The following ROR1 variants were observed in gnomAD, a reference collection of about 807,000 sequenced individuals.
ROR1 encodes ROR family WNT receptor 1, also known as inactive tyrosine-protein kinase transmembrane receptor ROR1.
A neutral mutation model predicts 78.8 loss-of-function variants in ROR1; 19 were observed. That is an observed-to-expected ratio of 0.24 (90% CI 0.17 to 0.35). The LOEUF (loss-of-function observed/expected upper bound fraction) is 0.35, where lower values mean the gene tolerates loss of function less well. Among genes scored for constraint, ROR1 ranks in the 10% least tolerant of loss-of-function variants. The probability of loss-of-function intolerance (pLI) is 1.00; values close to 1 mark genes in which losing one functional copy is unlikely to be tolerated. For missense variants in ROR1, 917 were observed against 1,177.8 expected (o/e 0.78, Z 3.24); for synonymous variants, 386 against 433.6 (o/e 0.89, Z 1.36).
chr1:63,887,695 G>A (rs1475463479), intron 1 of ROR1, among the ~76,000 whole-genome samples: 1 of 152,078 alleles, frequency 6.6e-6, no homozygotes, highest in Non-Finnish European at 1.5e-5. Context: ...CAGTTCTTTG[G>A]GGACTGTTTT....
At chr1:63,970,074 C>T (rs1646107176) in intron 1 of ROR1, among the ~76,000 whole-genome samples, 1 of 152,170 alleles carries the variant, frequency 6.6e-6, no homozygotes, top group African/African-American at 2.4e-5. Context: ...CTCTCCCTTG[C>T]GTCTTCCTCC....
At chr1:64,156,580 G>T (rs1349455911) in intron 7 of ROR1, among the ~76,000 whole-genome samples, 4 of 152,008 alleles carry the variant, frequency 2.6e-5, no homozygotes, top group African/African-American at 9.7e-5. Flanking sequence ...GGTGGCACGT[G>T]CCTGTAGTCC....
chr1:64,043,966 A>G (rs1001467073), intron 2 of ROR1, among the ~76,000 whole-genome samples: 1 of 152,188 alleles, frequency 6.6e-6, no homozygotes, highest in African/African-American at 2.4e-5. Context: ...ATCACTTTCC[A>G]TTGTTAATGG....
Position 64,142,603 on chromosome 1 carries a change from C to T in ROR1, c.1127C>T (p.Thr376Ile), listed in dbSNP as rs1210516202. Residue 376 changes from threonine to isoleucine, a missense_variant, in exon 7 of 9, where the codon ACC (threonine) becomes ATC (isoleucine). Transcript: ENST00000371079. ...GNQKEAPWCF[T>I]LDENFKSDLC... ...CAAAAGGAAGCTCCCTGGTGCTTCA[C>T]CTTGGATGAAAACTTTAAGTCTGAT... is the stretch of plus-strand genomic sequence containing the variant. 2 of 1,613,988 alleles carry T rather than the reference C, an allele frequency of 1.2e-6. No homozygotes were observed. Among genetic ancestry groups the T allele is most frequent in the Middle Eastern group, 1.6e-4 (1 of 6,084 alleles).
chr1:64,146,227 G>A (rs1649468955), intron 7 of ROR1, among the ~76,000 whole-genome samples: 1 of 152,192 alleles, frequency 6.6e-6, no homozygotes, highest in South Asian at 2.1e-4. Context: ...TGTAATCTCA[G>A]CACTTTGGGA....
intron 1 of ROR1, among the ~76,000 whole-genome samples, chr1:63,850,611 A>C (rs1645108253): frequency 6.6e-6 from 1 of 152,258 alleles, no homozygotes; most frequent in Admixed American, 6.5e-5. Flanking sequence ...CAAGTTGAGT[A>C]AAGATGTTAG....
chr1:63,862,391 CAAAAAAAAA>C lies in ROR1; in HGVS notation c.91+87898_91+87906del, dbSNP rs1164915396. 1.6e-4 allele frequency among the ~76,000 whole-genome samples: 9 copies of C among 56,806 alleles called. No individual in the cohort carries two copies. The East Asian group carries it at 4.4e-3, about 28-fold the overall frequency. 37.3% of individuals were successfully genotyped at this position (56,806 alleles called of 152,430 possible). ...CCTGGGAGACAGAGTGAGACTGTCT[CAAAAAAAAA>C]AAAAAAAAAAAAAAGAAATACATTT... On this transcript the variant is annotated intron_variant, in intron 1 of 8. Coordinates refer to ENST00000371079, the MANE Select transcript of ROR1 (RefSeq NM_005012.4).
chr1:63,888,258 C>T (rs571828330), intron 1 of ROR1, among the ~76,000 whole-genome samples: 54 of 152,154 alleles, frequency 3.5e-4, no homozygotes, highest in African/African-American at 1.2e-3. Context: ...CAAATTAGAA[C>T]TGTGGGTACT....
At chr1:64,032,667 A>G (rs1020794221) in intron 2 of ROR1, among the ~76,000 whole-genome samples, 1 of 152,184 alleles carries the variant, frequency 6.6e-6, no homozygotes, top group African/African-American at 2.4e-5. Flanking sequence ...AATGGAGACC[A>G]GACCAAGCAG....
chr1:63,788,771 C>T, intron 1 of ROR1: 2 of 536,114 alleles, frequency 3.7e-6, no homozygotes, highest in East Asian at 8.1e-5. Context: ...TCCTTCTTGA[C>T]CTGGAGGCAC....
At chr1:64,102,960 C>T (rs1468253766) in intron 4 of ROR1, among the ~76,000 whole-genome samples, 1 of 152,146 alleles carries the variant, frequency 6.6e-6, no homozygotes. Flanking sequence ...ACAATCACCC[C>T]CCTGTTGAGA....
At chr1:63,866,639 C>T (rs1408179015) in intron 1 of ROR1, among the ~76,000 whole-genome samples, 1 of 151,840 alleles carries the variant, frequency 6.6e-6, no homozygotes, top group East Asian at 1.9e-4. Flanking sequence ...GTTTCATTCT[C>T]CTTTCCTTAT....
intron 1 of ROR1, among the ~76,000 whole-genome samples, chr1:63,887,646 G>A (rs180824008): frequency 3.2e-4 from 48 of 152,190 alleles, no homozygotes; most frequent in African/African-American, 5.3e-4. Flanking sequence ...TTTAAAAAGC[G>A]TGTATTCACT....
At chr1:63,973,374 A>G (rs1646133728) in intron 1 of ROR1, among the ~76,000 whole-genome samples, 1 of 152,164 alleles carries the variant, frequency 6.6e-6, no homozygotes, top group African/African-American at 2.4e-5. Context: ...CACCCACGAT[A>G]ATGCGATGCC....
intron 6 of ROR1, among the ~76,000 whole-genome samples, chr1:64,140,785 T>G (rs995331469): frequency 6.6e-6 from 1 of 152,106 alleles, no homozygotes; most frequent in African/African-American, 2.4e-5. Context: ...AGCCAAAAGG[T>G]GGAAATGACC....
intron 4 of ROR1, among the ~76,000 whole-genome samples, chr1:64,070,032 C>A (rs186746003): frequency 2.8e-4 from 43 of 152,286 alleles, no homozygotes; most frequent in Admixed American, 1.8e-3. Context: ...CTAGCAACCA[C>A]TAATCTACTT....
intron 1 of ROR1, among the ~76,000 whole-genome samples, chr1:63,902,493 T>A (rs560271306): frequency 8.6e-5 from 13 of 152,016 alleles, no homozygotes; most frequent in East Asian, 3.9e-4. Context: ...ATTTTTTTTT[T>A]AATTTACTTA....
intron 2 of ROR1, among the ~76,000 whole-genome samples, chr1:64,034,183 A>ATTTTTTTTTT (rs35110436): frequency 6.9e-6 from 1 of 144,082 alleles, no homozygotes; most frequent in Non-Finnish European, 1.5e-5. Flanking sequence ...TTGCTTTTTC[A>ATTTTTTTTTT]TTTTTTTTTT....
At chr1:63,848,759 C>T (rs368988012) in intron 1 of ROR1, among the ~76,000 whole-genome samples, 27 of 152,148 alleles carry the variant, frequency 1.8e-4, no homozygotes, top group East Asian at 1.4e-3. Context: ...TTTCATCAAG[C>T]CTGTATATTC....
Sources: allele counts gnomAD v4.1 joint callset (sites outside exome capture counted in the v4.1 genomes callset), GRCh38; gene constraint gnomAD v4.1.1; transcripts MANE v1.5; gene names NCBI Gene and HGNC (gene_info 2026-07-23, HGNC 2026-07-21).